Variants in NME8 observed in about 807,000 individuals in gnomAD.
NME8 encodes the protein protein NME8.
Under a neutral mutation model 82.3 loss-of-function variants are expected in NME8, and 72 were observed. That is an observed-to-expected ratio of 0.87 (90% CI 0.72 to 1.06). The LOEUF is 1.06. Ranked by LOEUF, NME8 falls within the 50% of genes least tolerant of loss-of-function variation. The pLI is 0.00. For synonymous variants in NME8, 267 were observed against 228.5 expected (o/e 1.17, Z -1.52); for missense variants, 712 against 685.4 (o/e 1.04, Z -0.43).
intron 6 of NME8, among the ~76,000 whole-genome samples, chr7:37,858,893 AAT>A (rs1784554384): frequency 6.6e-6 from 1 of 152,076 alleles, no homozygotes; most frequent in Non-Finnish European, 1.5e-5. Context: ...TCCCTACAGT[AAT>A]GAGTGAGTTC....
At chr7:37,884,487 T>A in intron 13 of NME8, 40 bp downstream of exon 13, 1 of 1,569,800 alleles carries the variant, frequency 6.4e-7, no homozygotes, top group Non-Finnish European at 8.8e-7. Flanking sequence ...GATTTATTTT[T>A]GAATCATGTA....
chr7:37,872,005 TC>T (rs1486369735), intron 11 of NME8, among the ~76,000 whole-genome samples: 2 of 151,688 alleles, frequency 1.3e-5, no homozygotes, highest in East Asian at 1.9e-4. Context: ...GGTCTGGAGC[TC>T]TGTTCAGGTC....
intron 11 of NME8, among the ~76,000 whole-genome samples, chr7:37,869,876 C>A (rs946193546): frequency 2.0e-5 from 3 of 152,116 alleles, no homozygotes; most frequent in Admixed American, 6.6e-5. Flanking sequence ...CTCTGACTTG[C>A]CCCAGCACTC....
intron 11 of NME8, among the ~76,000 whole-genome samples, chr7:37,871,088 G>A (rs753757003): frequency 2.2e-4 from 33 of 152,200 alleles, no homozygotes; most frequent in Admixed American, 3.9e-4. Context: ...GGGATGGAGA[G>A]GGTGAGACAG....
chr7:37,881,423 T>TAG (rs987162645), intron 12 of NME8, among the ~76,000 whole-genome samples: 113 of 152,340 alleles, frequency 7.4e-4, no homozygotes, highest in Admixed American at 6.4e-3. Context: ...ATCATATGAC[T>TAG]TTTCTTCTTT....
Position 37,896,956 on chromosome 7 carries a change from C to A in NME8, c.1631C>A (p.Ala544Glu). The change falls in exon 17 of 18, where the codon GCA becomes GAA. Residue 544 changes from alanine to glutamate, a missense_variant. By Grantham distance (107) the Ala-to-Glu change is moderately radical (BLOSUM62 -1). Coordinates refer to ENST00000199447, the MANE Select transcript of NME8 (RefSeq NM_016616.5). ...RLMGPTDPEE[A>E]KLLSPDSIRA... is the part of the protein sequence containing the mutation. The stretch of plus-strand genomic sequence containing the variant: ...ATGGGCCCAACAGACCCAGAAGAAG[C>A]AAAATTACTTTCCCCTGACTCCATC... The A allele has an allele frequency of 6.2e-7, 1 of 1,613,792 alleles. No homozygotes were observed. The highest frequency in any genetic ancestry group is 1.3e-5 in the African/African-American group (1 of 74,986).
intron 17 of NME8, among the ~76,000 whole-genome samples, chr7:37,899,501 GA>G (rs1785281201): frequency 1.3e-5 from 2 of 151,786 alleles, no homozygotes. Flanking sequence ...CACATGGGGG[GA>G]ACAACACACA....
At chr7:37,865,854 A>T (rs1193279671) in intron 10 of NME8, among the ~76,000 whole-genome samples, 1 of 152,150 alleles carries the variant, frequency 6.6e-6, no homozygotes, top group Non-Finnish European at 1.5e-5. Context: ...TTTTGTTGAC[A>T]TGAAGACCTC....
chr7:37,872,341 C>G (rs906636967), intron 11 of NME8, among the ~76,000 whole-genome samples: 1 of 152,110 alleles, frequency 6.6e-6, no homozygotes, highest in African/African-American at 2.4e-5. Flanking sequence ...TATCAAAAAT[C>G]AGACCTAAGC....
intron 15 of NME8, 22 bp from the exon 16 acceptor site, chr7:37,894,444 A>T (rs1357287926): frequency 6.8e-6 from 11 of 1,606,950 alleles, no homozygotes; most frequent in Non-Finnish European, 9.4e-6. Flanking sequence ...CTGCAATATT[A>T]TCAAATATTT....
intron 16 of NME8, among the ~76,000 whole-genome samples, chr7:37,895,852 A>G (rs1217023836): frequency 6.6e-6 from 1 of 152,192 alleles, no homozygotes; most frequent in Non-Finnish European, 1.5e-5. Context: ...GTAACATGCT[A>G]TACAGGTTTA....
In NME8 at chr7:37,876,910, C is replaced by G. The variant is rs766162606; in HGVS notation, c.897C>G (p.Phe299Leu). ...AGGATGCAGCTAATGTTGCTAAGTTCATGGATGCTTTCTTCCCCGATTTTA... is the reference window on the plus strand; with the variant it reads ...AGGATGCAGCTAATGTTGCTAAGTTGATGGATGCTTTCTTCCCCGATTTTA... ...IEEDAANVAK[F>L]MDAFFPDFKK... Residue 299 changes from phenylalanine to leucine, a missense_variant, in exon 12 of 18, where the codon TTC becomes TTG. Physicochemically the swap from Phe to Leu is conservative, Grantham distance 22. Coordinates refer to ENST00000199447, the MANE Select transcript of NME8 (RefSeq NM_016616.5). 4 of 1,612,584 alleles carry G rather than the reference C, an allele frequency of 2.5e-6. No individual in the cohort carries two copies. Among genetic ancestry groups the G allele is most frequent in the Non-Finnish European group, 3.4e-6 (4 of 1,178,912 alleles).
Position 37,857,347 on chromosome 7 carries a change from T to G in NME8, c.270+2T>G. On this transcript the variant is annotated splice_donor_variant, in intron 6 of 17. Coordinates refer to ENST00000199447, the MANE Select transcript of NME8 (RefSeq NM_016616.5). LOFTEE classifies it high-confidence loss of function. The stretch of plus-strand genomic sequence containing the variant: ...GAACCTGTTTTTCTCTTTAGTGTTG[T>G]AAGTATATTTACTTTCTCAATTGCA... The G allele has an allele frequency of 1.3e-6, 2 of 1,586,842 alleles. No individual in the cohort carries two copies. Among genetic ancestry groups the G allele is most frequent in the Middle Eastern group, 1.7e-4 (1 of 5,972 alleles).
intron 16 of NME8, among the ~76,000 whole-genome samples, chr7:37,894,895 TTTTCC>T (rs1434385612): frequency 6.6e-6 from 1 of 151,732 alleles, no homozygotes; most frequent in Non-Finnish European, 1.5e-5. Context: ...CTTTCCTTTC[TTTTCC>T]TTTCCTTTCC....
intron 11 of NME8, among the ~76,000 whole-genome samples, chr7:37,873,126 C>A (rs1186787835): frequency 6.6e-6 from 1 of 152,086 alleles, no homozygotes; most frequent in East Asian, 1.9e-4. Flanking sequence ...GTGGCTTGTG[C>A]CTGTAATCCC....
chr7:37,877,066 C>G, intron 12 of NME8, 59 bp downstream of exon 12: 2 of 1,364,924 alleles, frequency 1.5e-6, no homozygotes, highest in South Asian at 2.4e-5. Context: ...TGAATAAACC[C>G]TAGTATAATT....
chr7:37,882,546 GGAAAGAAAGAAAGAAA>G (rs753903098), intron 12 of NME8, among the ~76,000 whole-genome samples: 1 of 102,016 alleles, frequency 9.8e-6, no homozygotes, highest in African/African-American at 3.5e-5. Flanking sequence ...AGGGAGGAAG[GGAAAGAAAGAAAGAAA>G]GAAAGAAAGA....
chr7:37,889,468 T>G (rs1480036845), intron 15 of NME8, among the ~76,000 whole-genome samples: 1 of 151,818 alleles, frequency 6.6e-6, no homozygotes, highest in Non-Finnish European at 1.5e-5. Context: ...TTAATTTTTA[T>G]TGATAAGAAT....
intron 5 of NME8, among the ~76,000 whole-genome samples, chr7:37,856,550 G>A (rs143852638): frequency 1.3e-5 from 2 of 152,222 alleles, no homozygotes; most frequent in African/African-American, 2.4e-5. Context: ...CCTACCAAAC[G>A]ATCTCATTCT....
Sources: allele counts gnomAD v4.1 joint callset (sites outside exome capture counted in the v4.1 genomes callset), GRCh38; gene constraint gnomAD v4.1.1; transcripts MANE v1.5; gene names NCBI Gene and HGNC (gene_info 2026-07-23, HGNC 2026-07-21).